LRRIQ1: variants seen among roughly 807,000 people sequenced by gnomAD.
LRRIQ1 encodes leucine-rich repeat- and IQ domain-containing protein 1.
In LRRIQ1, 210 loss-of-function variants were observed where a neutral mutation model predicts 211.9. That is an observed-to-expected ratio of 0.99 (90% CI 0.89 to 1.11). The LOEUF (loss-of-function observed/expected upper bound fraction) is 1.11. LRRIQ1 is among the 50% of genes most tolerant of loss of function. LRRIQ1 has a pLI of 0.00. For missense variants in LRRIQ1, 2,136 were observed against 1,939.5 expected (o/e 1.10, Z -1.90); for synonymous variants, 699 against 650.1 (o/e 1.08, Z -1.14).
intron 11 of LRRIQ1, among the ~76,000 whole-genome samples, chr12:85,075,093 A>G (rs1241069270): frequency 6.6e-6 from 1 of 152,106 alleles, no homozygotes; most frequent in Admixed American, 6.6e-5. Context: ...ATAGGTATTT[A>G]AGTGCTTTAT....
chr12:85,120,555 A>G (rs1304805191), intron 15 of LRRIQ1, among the ~76,000 whole-genome samples: 2 of 152,194 alleles, frequency 1.3e-5, no homozygotes, highest in East Asian at 3.9e-4. Flanking sequence ...CTTTGTTGAT[A>G]TCCACAAAAT....
chr12:85,117,763 A>G (rs573732857), intron 15 of LRRIQ1, among the ~76,000 whole-genome samples: 8 of 152,346 alleles, frequency 5.3e-5, no homozygotes, highest in Admixed American at 1.3e-4. Context: ...GAAGAGATGC[A>G]TTCTTAACTG....
chr12:85,069,963 T>G (rs947303294), intron 10 of LRRIQ1, among the ~76,000 whole-genome samples: 6 of 152,066 alleles, frequency 3.9e-5, no homozygotes, highest in South Asian at 2.1e-4. Context: ...ATTTGTCAAT[T>G]TTGGCTTTTG....
At chr12:85,192,883 AATAT>A (rs1211573928) in intron 24 of LRRIQ1, among the ~76,000 whole-genome samples, 1 of 100,320 alleles carries the variant, frequency 1.0e-5, no homozygotes, top group African/African-American at 4.2e-5. Context: ...ATTATACATA[AATAT>A]ATAGTTATAT....
rs140578261 is a variant in LRRIQ1 at position 85,163,530 on chromosome 12, A to G, written c.4822+2816A>G. On this transcript the variant is annotated intron_variant, in intron 24 of 26. Coordinates refer to ENST00000393217, the MANE Select transcript of LRRIQ1 (RefSeq NM_001079910.2). ...CTATTGCTTTCCAAAATCCACATTT[A>G]TTTTAGTAACATTGTATAAATTTAA... Among the ~76,000 whole-genome samples the G allele has an allele frequency of 2.4e-3, 360 of 152,216 alleles. 1 individual carries two copies. Among genetic ancestry groups the G allele is most frequent in the Non-Finnish European group, 3.7e-3 (254 of 68,004 alleles).
chr12:85,076,065 AT>A (rs1852505036), intron 11 of LRRIQ1, among the ~76,000 whole-genome samples: 1 of 152,096 alleles, frequency 6.6e-6, no homozygotes, highest in African/African-American at 2.4e-5. Flanking sequence ...GATTACTACT[AT>A]TTTTATACTA....
chr12:85,102,472 G>A (rs1200110544), intron 13 of LRRIQ1, among the ~76,000 whole-genome samples: 1 of 151,718 alleles, frequency 6.6e-6, no homozygotes, highest in Admixed American at 6.6e-5. Context: ...TAATATGAAT[G>A]TAATATTGTA....
chr12:85,244,424 T>C (rs1430577752), intron 26 of LRRIQ1, among the ~76,000 whole-genome samples: 1 of 151,582 alleles, frequency 6.6e-6, no homozygotes, highest in African/African-American at 2.4e-5. Context: ...AATAACCCCA[T>C]ATGACATGTC....
At chr12:85,095,683 A>AT (rs1367886732) in intron 11 of LRRIQ1, among the ~76,000 whole-genome samples, 1 of 152,074 alleles carries the variant, frequency 6.6e-6, no homozygotes, top group South Asian at 2.1e-4. Flanking sequence ...TACTCCTCAC[A>AT]TTTTTTTGTG....
At chr12:85,106,885 C>CTTGGG (rs937218982) in intron 15 of LRRIQ1, among the ~76,000 whole-genome samples, 3 of 152,032 alleles carry the variant, frequency 2.0e-5, no homozygotes, top group African/African-American at 7.2e-5. Flanking sequence ...GTGATATTAA[C>CTTGGG]TTGGGTTTTG....
At chr12:85,222,121 T>C (rs936979717) in intron 24 of LRRIQ1, among the ~76,000 whole-genome samples, 6 of 152,186 alleles carry the variant, frequency 3.9e-5, no homozygotes, top group Non-Finnish European at 8.8e-5. Context: ...GATAGCATTA[T>C]AGAAAATTTA....
chr12:85,061,952 T>G (rs1881859507), intron 8 of LRRIQ1, among the ~76,000 whole-genome samples: 1 of 151,734 alleles, frequency 6.6e-6, no homozygotes, highest in African/African-American at 2.4e-5. Flanking sequence ...TAAAATGGAG[T>G]GGTCTAATTC....
Position 85,154,987 on chromosome 12 carries a change from A to G in LRRIQ1, c.4720+893A>G, listed in dbSNP as rs868188736. ...TTTTTCTATTAATTATATTTTAATTATAATTCAGTAAATTCTAAGAACCAG... is the reference window on the plus strand; with the variant it reads ...TTTTTCTATTAATTATATTTTAATTGTAATTCAGTAAATTCTAAGAACCAG... On this transcript the variant is annotated intron_variant, in intron 23 of 26. Transcript: ENST00000393217. 2.4e-4 allele frequency among the ~76,000 whole-genome samples: 36 copies of G among 151,322 alleles called. No individual in the cohort carries two copies. The Middle Eastern group carries it at 0.01, about 43-fold the overall frequency.
chr12:85,243,277 T>C (rs1895547566), intron 26 of LRRIQ1, among the ~76,000 whole-genome samples: 1 of 148,168 alleles, frequency 6.7e-6, no homozygotes, highest in East Asian at 2.0e-4. Context: ...TACTCTTGGA[T>C]ACTATTGAAA....
intron 24 of LRRIQ1, among the ~76,000 whole-genome samples, chr12:85,172,125 G>A (rs945552662): frequency 6.6e-6 from 1 of 152,112 alleles, no homozygotes; most frequent in East Asian, 1.9e-4. Context: ...AAGAAAGAAG[G>A]CACCTGGGTT....
At chr12:85,208,825 T>C (rs1273144396) in intron 24 of LRRIQ1, among the ~76,000 whole-genome samples, 1 of 152,188 alleles carries the variant, frequency 6.6e-6, no homozygotes, top group East Asian at 1.9e-4. Flanking sequence ...GGGATTGTTA[T>C]CTAATGTTAT....
In LRRIQ1 at chr12:85,056,372, T is replaced by C; in HGVS notation, c.1579T>C (p.Leu527=). Residue 527 remains leucine, a synonymous_variant, in exon 8 of 27, where the codon TTG becomes CTG. Coordinates refer to ENST00000393217, the MANE Select transcript of LRRIQ1 (RefSeq NM_001079910.2). ...AGGAAATCTGAAAGAACAGTTTCCATTGCAAGAATTAAAGTCTGATGCACA... is the reference window on the plus strand; with the variant it reads ...AGGAAATCTGAAAGAACAGTTTCCACTGCAAGAATTAAAGTCTGATGCACA... ...LKGNLKEQFP[L]QELKSDAQKE... The C allele has an allele frequency of 6.3e-7, 1 of 1,591,766 alleles. No individual in the cohort carries two copies. Among genetic ancestry groups the C allele is most frequent in the Non-Finnish European group, 8.5e-7 (1 of 1,174,374 alleles).
chr12:85,097,262 A>G (rs1885959739), intron 11 of LRRIQ1, among the ~76,000 whole-genome samples: 1 of 152,164 alleles, frequency 6.6e-6, no homozygotes, highest in Non-Finnish European at 1.5e-5. Context: ...GGGAGGCCCC[A>G]GGGAACTTAG....
In LRRIQ1 at chr12:85,153,088, G is replaced by C. The variant is rs1890338601; in HGVS notation, c.4484G>C (p.Trp1495Ser). Residue 1495 changes from tryptophan to serine, a missense_variant, in exon 21 of 27, where the codon TGG becomes TCG. Coordinates refer to ENST00000393217, the MANE Select transcript of LRRIQ1 (RefSeq NM_001079910.2). Reference protein sequence around the residue: ...FNLPSNPAQAWLCNDKENLSS... With the variant: ...FNLPSNPAQASLCNDKENLSS... The stretch of plus-strand genomic sequence containing the variant: ...TTACCAAGTAATCCAGCTCAAGCAT[G>C]GTTATGTAATGACAAAGAAAATTTG... 6.3e-7 allele frequency: 1 copy of C among 1,585,738 alleles called. No homozygotes were observed. Among genetic ancestry groups the C allele is most frequent in the African/African-American group, 1.4e-5 (1 of 73,656 alleles).
Sources: allele counts gnomAD v4.1 joint callset (sites outside exome capture counted in the v4.1 genomes callset), GRCh38; gene constraint gnomAD v4.1.1; transcripts MANE v1.5; gene names NCBI Gene and HGNC (gene_info 2026-07-23, HGNC 2026-07-21).